The following SCFD2 variants were observed in gnomAD, a reference collection of about 807,000 sequenced individuals.
SCFD2 encodes sec1 family domain containing 2.
Under a neutral mutation model 58.9 loss-of-function variants are expected in SCFD2, and 54 were observed. That is an observed-to-expected ratio of 0.92 (90% CI 0.74 to 1.15). The LOEUF is 1.15. Ranked by LOEUF, SCFD2 falls within the 50% of genes most tolerant of loss-of-function variation. SCFD2 has a pLI of 0.00. For missense variants in SCFD2, 805 were observed against 836.6 expected, an observed-to-expected ratio of 0.96 and a Z score of 0.47; for synonymous variants, 321 against 335.9, an observed-to-expected ratio of 0.96 and a Z score of 0.49.
chr4:53,034,878 T>C (rs1722716051), intron 5 of SCFD2, among the ~76,000 whole-genome samples: 1 of 152,156 alleles, frequency 6.6e-6, no homozygotes, highest in African/African-American at 2.4e-5. Context: ...AGAATCAGTA[T>C]TGTGAAAATG....
chr4:53,165,395 G>C (rs559377347), intron 4 of SCFD2, among the ~76,000 whole-genome samples: 115 of 152,240 alleles, frequency 7.6e-4, no homozygotes, highest in African/African-American at 2.7e-3. Context: ...TAACCAGCCT[G>C]ATTTTTTAAA....
At chr4:53,311,982 C>T (rs1732706983) in intron 3 of SCFD2, among the ~76,000 whole-genome samples, 1 of 151,872 alleles carries the variant, frequency 6.6e-6, no homozygotes, top group Non-Finnish European at 1.5e-5. Context: ...AAGAATAAGA[C>T]ACTCAATGAG....
intron 5 of SCFD2, among the ~76,000 whole-genome samples, chr4:53,124,190 A>G (rs1273937272): frequency 6.6e-6 from 1 of 152,194 alleles, no homozygotes; most frequent in African/African-American, 2.4e-5. Flanking sequence ...TGTAAAATAA[A>G]TATTAATTCC....
At chr4:52,890,965 C>T (rs747637483) in intron 7 of SCFD2, among the ~76,000 whole-genome samples, 26 of 152,244 alleles carry the variant, frequency 1.7e-4, no homozygotes, top group South Asian at 6.2e-4. Flanking sequence ...ATTTGTGACT[C>T]ATTTGTCCCT....
chr4:53,306,135 T>C (rs1732505760), intron 3 of SCFD2, among the ~76,000 whole-genome samples: 1 of 152,112 alleles, frequency 6.6e-6, no homozygotes, highest in Non-Finnish European at 1.5e-5. Context: ...AGAGAAAATG[T>C]TGGGAGAGAA....
intron 5 of SCFD2, among the ~76,000 whole-genome samples, chr4:53,114,939 TG>T (rs1560342287): frequency 6.6e-6 from 1 of 152,070 alleles, no homozygotes. Flanking sequence ...ATGTTAAGTA[TG>T]TGTATTCTAA....
At chr4:53,236,702 T>C (rs1729623146) in intron 4 of SCFD2, among the ~76,000 whole-genome samples, 1 of 150,562 alleles carries the variant, frequency 6.6e-6, no homozygotes, top group Non-Finnish European at 1.5e-5. Context: ...AATAAGCAAA[T>C]ACAGTAATTA....
At chr4:53,164,190 A>G (rs184628148) in intron 4 of SCFD2, among the ~76,000 whole-genome samples, 22 of 152,242 alleles carry the variant, frequency 1.4e-4, no homozygotes, top group African/African-American at 5.1e-4. Context: ...GGATGCTTCT[A>G]TTTATTTAGA....
chr4:52,901,649 G>T (rs934771434), intron 7 of SCFD2, among the ~76,000 whole-genome samples: 1 of 152,188 alleles, frequency 6.6e-6, no homozygotes, highest in Non-Finnish European at 1.5e-5. Flanking sequence ...GCAGATTCAT[G>T]AGTAAAATGA....
At chr4:53,348,210 G>C (rs1178597696) in intron 2 of SCFD2, among the ~76,000 whole-genome samples, 1 of 152,196 alleles carries the variant, frequency 6.6e-6, no homozygotes, top group African/African-American at 2.4e-5. Flanking sequence ...AAAATTGGCA[G>C]TAACTTCAAT....
intron 2 of SCFD2, among the ~76,000 whole-genome samples, chr4:53,333,373 A>C (rs1159784712): frequency 7.2e-6 from 1 of 139,396 alleles, no homozygotes; most frequent in African/African-American, 2.7e-5. Flanking sequence ...CAGTAACCAA[A>C]ACAGCATGGT....
intron 5 of SCFD2, among the ~76,000 whole-genome samples, chr4:53,053,852 T>C (rs1723251128): frequency 6.6e-6 from 1 of 152,228 alleles, no homozygotes; most frequent in Non-Finnish European, 1.5e-5. Context: ...GTACATGTGA[T>C]AATTTAATGC....
At chr4:53,088,088 G>A (rs1271120955) in intron 5 of SCFD2, among the ~76,000 whole-genome samples, 1 of 152,214 alleles carries the variant, frequency 6.6e-6, no homozygotes, top group Non-Finnish European at 1.5e-5. Context: ...AGAACGTAAA[G>A]ATTTAGAAAA....
At chr4:53,353,162 C>T (rs770966703) in intron 1 of SCFD2, among the ~76,000 whole-genome samples, 1 of 152,200 alleles carries the variant, frequency 6.6e-6, no homozygotes, top group Admixed American at 6.5e-5. Flanking sequence ...TTCAGAGTTT[C>T]TTCCTTCTGG....
rs1296217877 is a variant in SCFD2 at position 53,365,753 on chromosome 4, T to C, written c.189A>G (p.Ala63=). 6.2e-7 allele frequency: 1 copy of C among 1,613,830 alleles called. No homozygotes were observed. The highest frequency in any genetic ancestry group is 1.1e-5 in the South Asian group (1 of 91,042). The stretch of plus-strand genomic sequence containing the variant: ...TGGGCTGCTTGGCTCCACCACCAAT[T>C]GCGTCGGGCTCGAACTCTCGCAGGT... ...DCHLREFEPD[A]IGGGAKQPKA... is the part of the protein sequence containing the mutation. The change falls in exon 1 of 9, where the codon GCA becomes GCG. Residue 63 remains alanine (A), a synonymous_variant. Transcript: ENST00000401642. This position sits in a 1 kb window ranked among gnomAD's most constrained non-coding sequence, Gnocchi z 4.3.
chr4:53,025,365 A>G (rs1365111627), intron 5 of SCFD2, among the ~76,000 whole-genome samples: 3 of 152,248 alleles, frequency 2.0e-5, no homozygotes, highest in Non-Finnish European at 2.9e-5. Context: ...CTATGAGAAC[A>G]TCTTTTAGTT....
chr4:53,124,505 G>A (rs75879495), intron 5 of SCFD2, among the ~76,000 whole-genome samples: 537 of 152,310 alleles, frequency 3.5e-3, no homozygotes, highest in Non-Finnish European at 6.0e-3. Flanking sequence ...GAACAAAGTG[G>A]TTTGGGGGAA....
At chr4:52,895,107 T>A (rs1577805211) in intron 7 of SCFD2, among the ~76,000 whole-genome samples, 1 of 152,164 alleles carries the variant, frequency 6.6e-6, no homozygotes, top group South Asian at 2.1e-4. Flanking sequence ...CATATTTAGG[T>A]GGGGTACAGA....
intron 5 of SCFD2, among the ~76,000 whole-genome samples, chr4:52,992,554 C>G (rs561461885): frequency 4.0e-5 from 6 of 151,756 alleles, no homozygotes; most frequent in African/African-American, 1.5e-4. Context: ...GCACCTCTTC[C>G]CGGCCGCCAT....
Sources: allele counts gnomAD v4.1 joint callset (sites outside exome capture counted in the v4.1 genomes callset), GRCh38; gene constraint gnomAD v4.1.1; non-coding constraint Gnocchi (gnomAD v3.1); transcripts MANE v1.5; gene names NCBI Gene and HGNC (gene_info 2026-07-23, HGNC 2026-07-21).